Variants in ABCC8 observed in about 807,000 individuals in gnomAD.
The protein encoded by ABCC8 is ATP binding cassette subfamily C member 8, also known as ATP-binding cassette sub-family C member 8.
In ABCC8, 137 loss-of-function variants were observed where a neutral mutation model predicts 188.0. That is an observed-to-expected ratio of 0.73 (90% CI 0.63 to 0.84). The LOEUF is 0.84. Among genes scored for constraint, ABCC8 ranks in the 40% least tolerant of loss-of-function variants. ABCC8 has a pLI of 0.00. For missense variants in ABCC8, 1,750 were observed against 2,072.7 expected (o/e 0.84, Z 3.02); for synonymous variants, 797 against 846.5 (o/e 0.94, Z 1.01).
Position 17,410,639 on chromosome 11 carries a change from T to C in ABCC8, c.2571A>G (p.Ser857=), listed in dbSNP as rs1027680197. ...GGTCACTCAGATGGATATCCAGAGCTGAGAAGGGGTCATCCTGGGCAGAAG... is the reference window on the plus strand; with the variant it reads ...GGTCACTCAGATGGATATCCAGAGCCGAGAAGGGGTCATCCTGGGCAGAAG... ...ANVVFLDDPF[S]ALDIHLSDHL... Residue 857 remains serine, a synonymous_variant, in exon 22 of 39, where the codon TCA becomes TCG. Transcript: ENST00000389817. 1 of 1,613,996 alleles carries C rather than the reference T, an allele frequency of 6.2e-7. No individual in the cohort carries two copies. The highest frequency in any genetic ancestry group is 2.2e-5 in the East Asian group (1 of 44,856).
intron 3 of ABCC8, among the ~76,000 whole-genome samples, chr11:17,469,327 G>A (rs1295393760): frequency 4.6e-5 from 7 of 151,798 alleles, no homozygotes; most frequent in African/African-American, 1.7e-4. Flanking sequence ...TCCTGACCTC[G>A]GGTGATCCGC....
chr11:17,457,048 G>A (rs1329017683), intron 6 of ABCC8, among the ~76,000 whole-genome samples: 2 of 152,140 alleles, frequency 1.3e-5, no homozygotes, highest in East Asian at 3.9e-4. Flanking sequence ...AAGGCTCCCT[G>A]GAGCAGGTGA....
intron 3 of ABCC8, among the ~76,000 whole-genome samples, chr11:17,469,642 C>T (rs1848368818): frequency 6.6e-6 from 1 of 152,144 alleles, no homozygotes; most frequent in African/African-American, 2.4e-5. Context: ...TTGCTCGCTC[C>T]TCTCCTGACG....
Position 17,393,709 on chromosome 11 carries a change from C to T in ABCC8, c.4596G>A (p.Val1532=). The T allele has an allele frequency of 6.2e-7, 1 of 1,614,212 alleles. No homozygotes were observed. The highest frequency in any genetic ancestry group is 8.5e-7 in the Non-Finnish European group (1 of 1,180,018). The change falls in exon 38 of 39, where the codon GTG becomes GTA. Residue 1532 remains valine, a synonymous_variant. Coordinates refer to ENST00000389817, the MANE Select transcript of ABCC8 (RefSeq NM_000352.6). ...ATGGGCCCCTTACCGCGATGGTGAC[C>T]ACAGTGCGGTCTGCGAAGGCTGTCA... ...VVMTAFADRT[V]VTIAHRVHTI...
rs1954380545 is a variant in ABCC8 at position 17,404,035 on chromosome 11, A to G, written c.3557+477T>C. Among the ~76,000 whole-genome samples the G allele has an allele frequency of 2.0e-5, 3 of 152,174 alleles. No individual in the cohort carries two copies. Among genetic ancestry groups the G allele is most frequent in the Admixed American group, 2.0e-4 (3 of 15,284 alleles). ...ATGGATCCAAAGCTCATGAGGGCAAATGTGATCCATGAGAATGGCTGTGAG... is the reference window on the plus strand; with the variant it reads ...ATGGATCCAAAGCTCATGAGGGCAAGTGTGATCCATGAGAATGGCTGTGAG... On this transcript the variant is annotated intron_variant, in intron 28 of 38. Transcript: ENST00000389817. The surrounding 1 kb of genome is among the most constrained non-coding windows in gnomAD (Gnocchi z 4.7).
rs375116889 is a variant in ABCC8, at chr11:17,450,464, G to A, written c.1177-1793C>T. 1.2e-4 allele frequency among the ~76,000 whole-genome samples: 16 copies of A among 134,216 alleles called. No homozygotes were observed. In the Middle Eastern group the frequency reaches 0.015, roughly 130 times the overall value. The allele number at this position is 134,216 out of a possible 152,430, so 88.1% of individuals were successfully genotyped here. On this transcript the variant is annotated intron_variant, in intron 7 of 38. Coordinates refer to ENST00000389817, the MANE Select transcript of ABCC8 (RefSeq NM_000352.6). ...GGCTGGAGTGCGGTGGTGCCATCTC[G>A]GCTCACTGCAAGCTCCTCCTCCTGG... is the stretch of plus-strand genomic sequence containing the variant.
chr11:17,457,490 A>G (rs1290459489), intron 6 of ABCC8, among the ~76,000 whole-genome samples: 9 of 152,254 alleles, frequency 5.9e-5, no homozygotes, highest in Non-Finnish European at 1.5e-5. Context: ...CTGATAGCCC[A>G]GGGCAGTGCT....
At chr11:17,414,419 G>T in intron 19 of ABCC8, 93 bp downstream of exon 19, 1 of 1,526,742 alleles carries the variant, frequency 6.5e-7, no homozygotes, top group Non-Finnish European at 9.1e-7. Context: ...ATGGCTGGGT[G>T]TGGGTGATCG....
intron 12 of ABCC8, chr11:17,430,110 C>T (rs1955777643): frequency 6.4e-6 from 1 of 155,688 alleles, no homozygotes; most frequent in Non-Finnish European, 1.4e-5. Context: ...GCATGACAGG[C>T]TCTTGCTTTC....
In ABCC8 at chr11:17,396,679, G is replaced by A. The variant is rs527918979; in HGVS notation, c.4119+237C>T. 5.3e-6 allele frequency: 3 copies of A among 565,486 alleles called. No homozygotes were observed. In the East Asian group the frequency reaches 9.4e-5, roughly 18 times the overall value. The allele number at this position is 565,486 out of a possible 1,614,324, so 35.0% of individuals were successfully genotyped here. ...GTGAGCTGGGGGAGTCCAGAGTGTC[G>A]GTCTCCTTGGTGGATGAGTGAGAAG... On this transcript the variant is annotated intron_variant, in intron 33 of 38. Transcript: ENST00000389817.
intron 32 of ABCC8, 68 bp downstream of exon 32, chr11:17,397,125 C>G: frequency 1.2e-6 from 2 of 1,613,556 alleles, no homozygotes; most frequent in Non-Finnish European, 8.5e-7. Flanking sequence ...CCCAGGCTCC[C>G]TTGTGGCCCC....
At chr11:17,416,631 G>A (rs889218896) in intron 17 of ABCC8, among the ~76,000 whole-genome samples, 1 of 151,928 alleles carries the variant, frequency 6.6e-6, no homozygotes, top group African/African-American at 2.4e-5. Flanking sequence ...CCAGACCCTG[G>A]CAATCGCTAG....
Position 17,395,911 on chromosome 11 carries a change from GT to G in ABCC8, c.4138del (p.Thr1380ProfsTer80). On this transcript the variant is annotated frameshift_variant, in exon 34 of 39. Transcript: ENST00000389817. LOFTEE classifies it high-confidence loss of function. ...AGAGAAGGAGGACTTCCCACTGCCG[GT>G]GCGGCCGCAGATCCCGATCTGGAAA... The part of the protein sequence containing the change: ...PGQKIGICGR[T>X]GSGKSSFSLA... 5 of 1,586,732 alleles carry G rather than the reference GT, an allele frequency of 3.2e-6. No homozygotes were observed. Among genetic ancestry groups the G allele is most frequent in the Non-Finnish European group, 4.3e-6 (5 of 1,165,166 alleles).
At position 17,428,670 on chromosome 11, in the gene ABCC8, G is replaced by A. The variant is rs202207978; in HGVS notation, c.1818C>T (p.Ser606=). 1.7e-5 allele frequency: 27 copies of A among 1,612,384 alleles called. No homozygotes were observed. The highest frequency in any genetic ancestry group is 3.3e-4 in the Middle Eastern group (2 of 6,084). ...ACAGGAACTCGCTTAGCTTTTGCAC[G>A]CTGCTCGGGAAGCACAGAGACACCC... ...VVRSTVKALV[S]VQKLSEFLSS... is the part of the protein sequence containing the mutation. The change falls in exon 13 of 39, where the codon AGC becomes AGT. Residue 606 remains serine (S), a splice_region_variant and synonymous_variant. Transcript: ENST00000389817.
intron 16 of ABCC8, among the ~76,000 whole-genome samples, chr11:17,417,927 T>A (rs567334378): frequency 1.3e-5 from 2 of 152,170 alleles, no homozygotes; most frequent in African/African-American, 4.8e-5. Context: ...TTTTTGTATA[T>A]TTTTTGTAGA....
intron 1 of ABCC8, among the ~76,000 whole-genome samples, chr11:17,475,713 C>T (rs1281478951): frequency 6.6e-6 from 1 of 152,252 alleles, no homozygotes; most frequent in East Asian, 1.9e-4. Flanking sequence ...TCTGCTTCTG[C>T]AGCAACCTCT....
chr11:17,414,817 G>C, intron 18 of ABCC8: 1 of 523,636 alleles, frequency 1.9e-6, no homozygotes, highest in Non-Finnish European at 2.4e-6. Flanking sequence ...GGGGCAGCAG[G>C]ACCTCATCCC....
chr11:17,421,067 C>A (rs1023651293), intron 16 of ABCC8, among the ~76,000 whole-genome samples: 1 of 152,212 alleles, frequency 6.6e-6, no homozygotes, highest in Admixed American at 6.5e-5. Context: ...AGCAGATGGA[C>A]CCTTTGTGCC....
rs896476892 is a variant in ABCC8, at chr11:17,432,447, C to T, written c.1631-203G>A. The T allele has an allele frequency of 4.6e-5, 51 of 1,105,918 alleles. No homozygotes were observed. In the African/African-American group the frequency reaches 5.5e-4, roughly 12 times the overall value. The allele number at this position is 1,105,918 out of a possible 1,614,324, so 68.5% of individuals were successfully genotyped here. A position where few individuals can be genotyped will look rare whatever the true frequency, so the allele number is the denominator to read the frequency against. ...CTCAGGACTCTTGTCCCAGGTACCC[C>T]GGCCCCCGACTCTGGGGCTTAAACT... is the stretch of plus-strand genomic sequence containing the variant. On this transcript the variant is annotated intron_variant, in intron 10 of 38. Coordinates refer to ENST00000389817, the MANE Select transcript of ABCC8 (RefSeq NM_000352.6).
Sources: gnomAD v4.1 joint callset for allele counts (sites outside exome capture counted in the v4.1 genomes callset) on GRCh38, gnomAD v4.1.1 for gene constraint, Gnocchi (gnomAD v3.1) non-coding constraint, MANE v1.5 for transcripts, NCBI Gene and HGNC (gene_info 2026-07-23, HGNC 2026-07-21) for gene names.